PCDHA5: variants seen among roughly 807,000 people sequenced by gnomAD.
The protein encoded by PCDHA5 is protocadherin alpha-5.
In PCDHA5, 43 loss-of-function variants were observed where a neutral mutation model predicts 61.6. The observed-to-expected ratio is 0.70, with a 90% CI of 0.55 to 0.90. The LOEUF is 0.90. PCDHA5 is among the 40% of genes least tolerant of loss of function. PCDHA5 has a pLI of 0.00. For missense variants in PCDHA5, 1,298 were observed against 1,222.7 expected, an observed-to-expected ratio of 1.06 and a Z score of -0.92; for synonymous variants, 627 against 543.9, an observed-to-expected ratio of 1.15 and a Z score of -2.13.
intron 1 of PCDHA5, among the ~76,000 whole-genome samples, chr5:140,920,659 C>T (rs1325541731): frequency 1.3e-5 from 2 of 152,098 alleles, no homozygotes; most frequent in East Asian, 3.9e-4. Flanking sequence ...TCCTTGCCAA[C>T]ATGGTGAAAC....
intron 1 of PCDHA5, chr5:140,827,833 A>G (rs1769423756): frequency 4.6e-6 from 2 of 432,110 alleles, no homozygotes; most frequent in Non-Finnish European, 8.0e-6. Context: ...AAAGTAGAGA[A>G]AAGAAGATAC....
intron 1 of PCDHA5, among the ~76,000 whole-genome samples, chr5:140,918,416 C>A (rs2078685021): frequency 6.6e-6 from 1 of 152,110 alleles, no homozygotes; most frequent in Non-Finnish European, 1.5e-5. Flanking sequence ...GCCAGGACTT[C>A]CAGTAGGATG....
intron 1 of PCDHA5, chr5:140,835,471 C>G: frequency 6.2e-7 from 1 of 1,613,934 alleles, no homozygotes. Context: ...CCAGAGGACG[C>G]CCAACCAGGT....
At chr5:140,832,649 A>C (rs2150203199) in intron 1 of PCDHA5, among the ~76,000 whole-genome samples, 147 of 152,206 alleles carry the variant, frequency 9.7e-4, no homozygotes, top group Non-Finnish European at 2.0e-3. Flanking sequence ...GGTCTTTAAG[A>C]GTATCACACT....
chr5:140,856,693 T>C (rs374352563), intron 1 of PCDHA5: 9 of 1,596,766 alleles, frequency 5.6e-6, no homozygotes, highest in African/African-American at 4.0e-5. Flanking sequence ...CAGCAACTGA[T>C]GGAGGCAAAC....
At chr5:140,924,464 G>A (rs1358240470) in intron 1 of PCDHA5, among the ~76,000 whole-genome samples, 1 of 152,196 alleles carries the variant, frequency 6.6e-6, no homozygotes, top group Non-Finnish European at 1.5e-5. Flanking sequence ...TGTTTAGGGA[G>A]GTAACTGGTT....
intron 1 of PCDHA5, chr5:140,966,939 TG>T: frequency 1.2e-6 from 2 of 1,604,434 alleles, no homozygotes; most frequent in Non-Finnish European, 1.7e-6. Flanking sequence ...GGCGCGCTCG[TG>T]GGCAACGTGG....
chr5:140,875,335 C>T (rs1380813312), intron 1 of PCDHA5: 3 of 1,438,650 alleles, frequency 2.1e-6, no homozygotes, highest in African/African-American at 2.9e-5. Context: ...GGAATAGGAT[C>T]GACTCCATAA....
chr5:140,841,165 C>A (rs1343151176), intron 1 of PCDHA5: 4 of 935,830 alleles, frequency 4.3e-6, no homozygotes, highest in Admixed American at 2.9e-5. Context: ...CCAAGAAGTT[C>A]TGGTTGGTCA....
intron 1 of PCDHA5, chr5:140,828,325 T>C (rs2150154082): frequency 6.2e-7 from 1 of 1,614,220 alleles, no homozygotes. Flanking sequence ...TGGAGGTAAA[T>C]CTGCAGAATG....
intron 1 of PCDHA5, among the ~76,000 whole-genome samples, chr5:140,948,785 G>T (rs2094304738): frequency 6.6e-6 from 1 of 151,242 alleles, no homozygotes; most frequent in South Asian, 2.1e-4. Flanking sequence ...TTTTGGCTTT[G>T]TTGATATATT....
chr5:140,939,967 C>T (rs527732118), intron 1 of PCDHA5, among the ~76,000 whole-genome samples: 8 of 152,210 alleles, frequency 5.3e-5, no homozygotes, highest in African/African-American at 1.7e-4. Context: ...AAGTGTTCCA[C>T]GATGAATAGT....
chr5:141,003,520 C>T (rs1171208921), intron 3 of PCDHA5, among the ~76,000 whole-genome samples: 2 of 152,126 alleles, frequency 1.3e-5, no homozygotes, highest in Admixed American at 6.5e-5. Flanking sequence ...ACCATGTTCC[C>T]TAGGCTGGTC....
chr5:140,852,108 G>A, intron 1 of PCDHA5: 1 of 906,254 alleles, frequency 1.1e-6, no homozygotes, highest in Non-Finnish European at 1.3e-6. Context: ...TATTTTACAA[G>A]GTATGACCTA....
intron 1 of PCDHA5, among the ~76,000 whole-genome samples, chr5:140,840,836 TA>T (rs1554137914): frequency 6.6e-6 from 1 of 152,034 alleles, no homozygotes; most frequent in Non-Finnish European, 1.5e-5. Flanking sequence ...AAATAAATAT[TA>T]ATGCATTTCT....
chr5:140,905,472 C>T (rs782287736), intron 1 of PCDHA5, among the ~76,000 whole-genome samples: 14 of 152,042 alleles, frequency 9.2e-5, no homozygotes, highest in Non-Finnish European at 1.6e-4. Flanking sequence ...TAATGTGATG[C>T]CTTCAGATTT....
chr5:140,837,666 T>C (rs1775190875), intron 1 of PCDHA5, among the ~76,000 whole-genome samples: 1 of 151,622 alleles, frequency 6.6e-6, no homozygotes, highest in African/African-American at 2.4e-5. Context: ...TTTCTTTCAT[T>C]CTTTTTCTTT....
chr5:140,857,654 G>C, intron 1 of PCDHA5: 1 of 1,596,766 alleles, frequency 6.3e-7, no homozygotes, highest in South Asian at 1.1e-5. Flanking sequence ...CCAGGTGAGC[G>C]CGCGCGATGG....
intron 3 of PCDHA5, among the ~76,000 whole-genome samples, chr5:140,995,391 G>A (rs2097681152): frequency 1.3e-5 from 2 of 152,170 alleles, no homozygotes; most frequent in African/African-American, 2.4e-5. Context: ...AGGATAAAGC[G>A]GGATGGCTCG....
Sources: allele counts gnomAD v4.1 joint callset (sites outside exome capture counted in the v4.1 genomes callset), GRCh38; gene constraint gnomAD v4.1.1; transcripts MANE v1.5; gene names NCBI Gene and HGNC (gene_info 2026-07-23, HGNC 2026-07-21).